ZP3: variants seen among roughly 807,000 people sequenced by gnomAD.
ZP3 encodes the protein zona pellucida glycoprotein 3.
A neutral mutation model predicts 35.6 loss-of-function variants in ZP3; 21 were observed. The observed-to-expected ratio is 0.59, with a 90% CI of 0.42 to 0.85. The LOEUF (loss-of-function observed/expected upper bound fraction) is 0.85, where lower values mean the gene tolerates loss of function less well. ZP3 is among the 40% of genes least tolerant of loss of function. The pLI is 0.00. For synonymous variants in ZP3, 207 were observed against 214.5 expected (o/e 0.96, Z 0.31); for missense variants, 437 against 536.5 (o/e 0.81, Z 1.83).
chr7:76,426,907 C>CACACACACACACACACA (rs57796274), intron 1 of ZP3, among the ~76,000 whole-genome samples: 6 of 126,934 alleles, frequency 4.7e-5, no homozygotes, highest in Middle Eastern at 9.3e-3. Context: ...CACACACACA[C>CACACACACACACACACA]AATAGGGTGT....
chr7:76,419,924 C>T (rs1805466452), intron 1 of ZP3, among the ~76,000 whole-genome samples: 2 of 151,950 alleles, frequency 1.3e-5, no homozygotes, highest in African/African-American at 4.8e-5. Context: ...GCCTCAGCCT[C>T]CCCAGTAGCT....
intron 1 of ZP3, among the ~76,000 whole-genome samples, chr7:76,418,711 C>T (rs1200923479): frequency 1.3e-5 from 2 of 152,046 alleles, no homozygotes; most frequent in Non-Finnish European, 2.9e-5. Flanking sequence ...AAAAAATTAG[C>T]CGGGCGTGGT....
At chr7:76,421,133 A>G (rs1405510482), upstream of ZP3, among the ~76,000 whole-genome samples, 2 of 151,958 alleles carry the variant, frequency 1.3e-5, no homozygotes, top group African/African-American at 2.4e-5. Context: ...ATGGGGTTTC[A>G]CCATATTGGC....
At chr7:76,411,391 A>T (rs950322459) in intron 1 of ZP3, among the ~76,000 whole-genome samples, 18 of 152,128 alleles carry the variant, frequency 1.2e-4, no homozygotes, top group African/African-American at 4.1e-4. Context: ...ACATAGGGAG[A>T]CCCCATCTCT....
intron 1 of ZP3, among the ~76,000 whole-genome samples, chr7:76,428,459 CGTCACATTT>C (rs1338255735): frequency 6.6e-6 from 1 of 152,172 alleles, no homozygotes. Context: ...TAGGGCCTAG[CGTCACATTT>C]TTCTAATATT....
Position 76,433,140 on chromosome 7 carries a change from T to C in ZP3, c.535+110T>C, listed in dbSNP as rs994690313. 6.0e-6 allele frequency: 4 copies of C among 663,132 alleles called. No homozygotes were observed. In the African/African-American group the frequency reaches 7.3e-5, roughly 12 times the overall value. The allele number at this position is 663,132 out of a possible 1,614,324, so 41.1% of individuals were successfully genotyped here. On this transcript the variant is annotated intron_variant, in intron 3 of 7. Transcript: ENST00000394857. ...TTGTTTGGTTTTGGTTTTGGTTGGTTTTGGTTGGTTTTGGTTGGTTTTGGT... is the reference window on the plus strand; with the variant it reads ...TTGTTTGGTTTTGGTTTTGGTTGGTCTTGGTTGGTTTTGGTTGGTTTTGGT...
chr7:76,405,358 T>TTC (rs1804988944), intron 1 of ZP3, among the ~76,000 whole-genome samples: 1 of 123,166 alleles, frequency 8.1e-6, no homozygotes, highest in Non-Finnish European at 1.7e-5. Context: ...TTTTTTTTTT[T>TTC]TTTGGTAGAG....
chr7:76,438,140 G>A (rs1208920300), intron 5 of ZP3, among the ~76,000 whole-genome samples: 4 of 152,248 alleles, frequency 2.6e-5, no homozygotes, highest in Admixed American at 1.3e-4. Flanking sequence ...TGAGCAGGGA[G>A]GAATTTTAGC....
chr7:76,421,399 T>C (rs544536020), upstream of ZP3, among the ~76,000 whole-genome samples: 17 of 151,966 alleles, frequency 1.1e-4, no homozygotes, highest in East Asian at 3.1e-3. Context: ...GGACTACAGG[T>C]GTGTGCCAAC....
chr7:76,414,695 CCTTTTT>C (rs1185624656), intron 1 of ZP3, among the ~76,000 whole-genome samples: 1 of 62,006 alleles, frequency 1.6e-5, no homozygotes, highest in African/African-American at 7.1e-5. Context: ...TCCTCCTCCT[CCTTTTT>C]TTTTTTTTTT....
intron 1 of ZP3, among the ~76,000 whole-genome samples, chr7:76,409,130 AC>A (rs1805146613): frequency 2.0e-5 from 3 of 151,990 alleles, no homozygotes. Flanking sequence ...GAGGGTGGAA[AC>A]CAGATCTCAT....
chr7:76,397,648 A>G (rs1421314021), exon 1 of ZP3: 10 of 1,613,648 alleles, frequency 6.2e-6, no homozygotes, highest in Non-Finnish European at 8.5e-6. Flanking sequence ...GTCCGGTGCC[A>G]TAGCCGAAGA....
intron 5 of ZP3, among the ~76,000 whole-genome samples, chr7:76,435,982 C>T (rs1177972629): frequency 2.7e-5 from 4 of 150,540 alleles, no homozygotes; most frequent in African/African-American, 9.8e-5. Context: ...CCTCAGCTTC[C>T]CAAAGTGCTG....
At chr7:76,430,719 A>G (rs571052688) in intron 2 of ZP3, among the ~76,000 whole-genome samples, 1 of 152,336 alleles carries the variant, frequency 6.6e-6, no homozygotes, top group South Asian at 2.1e-4. Context: ...TGGGCAACAG[A>G]GCAAGACTCC....
At chr7:76,424,127 C>A (rs915097613), upstream of ZP3, among the ~76,000 whole-genome samples, 2 of 152,174 alleles carry the variant, frequency 1.3e-5, no homozygotes, top group African/African-American at 4.8e-5. Flanking sequence ...TGTCTCAGAT[C>A]TAATCCCCCT....
intron 1 of ZP3, chr7:76,428,579 A>G (rs1266952348): frequency 6.6e-6 from 1 of 152,164 alleles, no homozygotes; most frequent in African/African-American, 2.4e-5. Context: ...CCCCAGTAGT[A>G]CTCACCTGTG....
rs140312195 is a variant in ZP3 at position 76,398,283 on chromosome 7, C to T, written c.-67+486C>T. ...TCTGACCTTCCTGTGAGATTAAGCT[C>T]CAGTCTCACCGCCCATTCATTTTCT... On this transcript the variant is annotated intron_variant, in intron 1 of 8. Transcript: ENST00000336517. Among the ~76,000 whole-genome samples the T allele has an allele frequency of 3.9e-3, 594 of 151,582 alleles. 5 individuals carry two copies. Among genetic ancestry groups the T allele is most frequent in the African/African-American group, 0.014 (561 of 41,328 alleles).
intron 1 of ZP3, chr7:76,400,336 C>G: frequency 6.6e-7 from 1 of 1,518,080 alleles, no homozygotes. Context: ...GTGGACGCCC[C>G]AGCCGCGGCT....
chr7:76,421,483 G>A (rs1165871820), upstream of ZP3, among the ~76,000 whole-genome samples: 1 of 151,192 alleles, frequency 6.6e-6, no homozygotes, highest in Non-Finnish European at 1.5e-5. Context: ...CGAACTCCTG[G>A]GCTCAAGCAA....
Sources: allele counts gnomAD v4.1 joint callset (sites outside exome capture counted in the v4.1 genomes callset), GRCh38; gene constraint gnomAD v4.1.1; transcripts MANE v1.5; gene names NCBI Gene and HGNC (gene_info 2026-07-23, HGNC 2026-07-21).